ZNF239: variants seen among roughly 807,000 people sequenced by gnomAD.
ZNF239 encodes the protein zinc finger protein (C2H2) homologous to mouse MOK-2.
In ZNF239, 16 loss-of-function variants were observed where a neutral mutation model predicts 27.5. The observed-to-expected ratio is 0.58, with a 90% CI of 0.39 to 0.88. The LOEUF (loss-of-function observed/expected upper bound fraction) is 0.88, where lower values mean the gene tolerates loss of function less well. ZNF239 is among the 40% of genes least tolerant of loss of function. The pLI is 0.00. For synonymous variants in ZNF239, 199 were observed against 192.6 expected (o/e 1.03, Z -0.27); for missense variants, 527 against 551.9 (o/e 0.95, Z 0.45).
intron 3 of ZNF239, among the ~76,000 whole-genome samples, chr10:43,559,478 G>A (rs776662467): frequency 6.6e-5 from 10 of 152,152 alleles, no homozygotes; most frequent in Non-Finnish European, 1.5e-4. Context: ...GTATGGTGGT[G>A]CTATATAATC....
intron 2 of ZNF239, chr10:43,570,696 C>G: frequency 1.1e-6 from 1 of 911,448 alleles, no homozygotes; most frequent in Non-Finnish European, 1.3e-6. Flanking sequence ...TACCTCTTTT[C>G]CATTTCCACT....
intron 3 of ZNF239, among the ~76,000 whole-genome samples, chr10:43,561,152 A>C (rs1198885673): frequency 6.6e-6 from 1 of 152,210 alleles, no homozygotes; most frequent in Non-Finnish European, 1.5e-5. Flanking sequence ...GTAAAAGCCC[A>C]TCTTCAAGGA....
chr10:43,556,749 G>T lies in ZNF239; in HGVS notation c.1331C>A (p.Ser444Tyr). 6.2e-7 allele frequency: 1 copy of T among 1,614,124 alleles called. No individual in the cohort carries two copies. Among genetic ancestry groups the T allele is most frequent in the South Asian group, 1.1e-5 (1 of 91,082 alleles). ...SKCGKGFSQS[S>Y]NLHIHQRVHK... ...AACCCGCTGGTGGATGTGAAGGTTG[G>T]AGCTCTGGCTGAAGCCCTTCCCACA... The change falls in exon 4 of 4, where the codon TCC becomes TAC. Residue 444 changes from serine to tyrosine, a missense_variant. Coordinates refer to ENST00000374446, the MANE Select transcript of ZNF239 (RefSeq NM_001099282.2).
At chr10:43,568,672 C>T (rs1837841632) in intron 2 of ZNF239, among the ~76,000 whole-genome samples, 1 of 152,206 alleles carries the variant, frequency 6.6e-6, no homozygotes, top group African/African-American at 2.4e-5. Context: ...ATATTTATTT[C>T]CAGCCCTAAC....
chr10:43,557,113 C>T lies in ZNF239; in HGVS notation c.967G>A (p.Glu323Lys). The T allele has an allele frequency of 6.2e-7, 1 of 1,607,540 alleles. No homozygotes were observed. The highest frequency in any genetic ancestry group is 8.5e-7 in the Non-Finnish European group (1 of 1,177,784). The change falls in exon 4 of 4, where the codon GAG becomes AAG. Residue 323 changes from glutamate (E) to lysine (K), a missense_variant. Glu to Lys is a moderately conservative substitution (Grantham distance 56). Transcript: ENST00000374446. ...CGCTGACTGAAGCTCATACCACACT[C>T]CTCACACTCATAGGGCTTCTCTCCA... ...HTGEKPYECE[E>K]CGMSFSQRSN...
rs1256452158 is a variant in ZNF239, at chr10:43,556,564, A to T, written c.*139T>A. ...GCTTGATACTTAAATATTTTGAATG[A>T]GTGATTTTTCAGTGAGGGAACATAT... On this transcript the variant is annotated 3_prime_UTR_variant, in exon 4 of 4. Coordinates refer to ENST00000374446, the MANE Select transcript of ZNF239 (RefSeq NM_001099282.2). 1.2e-5 allele frequency: 13 copies of T among 1,106,288 alleles called. No individual in the cohort carries two copies. The highest frequency in any genetic ancestry group is 1.5e-5 in the Non-Finnish European group (12 of 797,676). 68.5% of individuals were successfully genotyped at this position (1,106,288 alleles called of 1,614,324 possible). A position where few individuals can be genotyped will look rare whatever the true frequency, so the allele number is the denominator to read the frequency against.
Position 43,556,748 on chromosome 10 carries a change from G to A in ZNF239, c.1332C>T (p.Ser444=), listed in dbSNP as rs1412440447. 1.2e-6 allele frequency: 2 copies of A among 1,613,802 alleles called. No individual in the cohort carries two copies. Among genetic ancestry groups the A allele is most frequent in the African/African-American group, 2.7e-5 (2 of 74,890 alleles). The part of the protein sequence containing the change: ...SKCGKGFSQS[S]NLHIHQRVHK... Reference sequence around the variant, plus strand: ...GAACCCGCTGGTGGATGTGAAGGTTGGAGCTCTGGCTGAAGCCCTTCCCAC... The same window carrying A: ...GAACCCGCTGGTGGATGTGAAGGTTAGAGCTCTGGCTGAAGCCCTTCCCAC... Residue 444 remains serine, a synonymous_variant, in exon 4 of 4, where the codon TCC becomes TCT. Coordinates refer to ENST00000374446, the MANE Select transcript of ZNF239 (RefSeq NM_001099282.2).
chr10:43,563,311 G>A (rs1419819212), intron 3 of ZNF239, among the ~76,000 whole-genome samples: 2 of 151,826 alleles, frequency 1.3e-5, no homozygotes, highest in East Asian at 3.9e-4. Context: ...GTGAGCCTTC[G>A]TCTAAAAGAA....
intron 3 of ZNF239, among the ~76,000 whole-genome samples, chr10:43,563,801 C>CT (rs199613577): frequency 6.7e-5 from 10 of 149,122 alleles, no homozygotes; most frequent in Admixed American, 2.7e-4. Context: ...GATAAATCTA[C>CT]TTTTTTTTTT....
intron 2 of ZNF239, chr10:43,570,403 G>A: frequency 6.1e-6 from 6 of 985,194 alleles, no homozygotes; most frequent in African/African-American, 1.7e-5. Context: ...CATATTAAAA[G>A]CAAGTGGACT....
chr10:43,566,050 C>T (rs920989872), intron 3 of ZNF239, among the ~76,000 whole-genome samples: 1 of 152,122 alleles, frequency 6.6e-6, no homozygotes, highest in South Asian at 2.1e-4. Flanking sequence ...TCAGTAGTGA[C>T]TTCCAAGTGG....
In ZNF239 at chr10:43,569,338, T is replaced by C. The variant is rs61204520; in HGVS notation, c.-215-1317A>G. On this transcript the variant is annotated intron_variant, in intron 2 of 3. Transcript: ENST00000374446. ...CTCCTGCTCCCCCAAACATGAGTTT[T>C]CCACATGACAGCCAAGGTGATCTTT... is the stretch of plus-strand genomic sequence containing the variant. 1.9e-3 allele frequency among the ~76,000 whole-genome samples: 288 copies of C among 152,288 alleles called. 2 individuals are homozygous for C. The highest frequency in any genetic ancestry group is 6.6e-3 in the African/African-American group (276 of 41,572).
In ZNF239 at chr10:43,557,892, T is replaced by C. The variant is rs199528850; in HGVS notation, c.188A>G (p.Tyr63Cys). The C allele has an allele frequency of 4.7e-5, 76 of 1,614,046 alleles. No homozygotes were observed. The highest frequency in any genetic ancestry group is 5.2e-5 in the Non-Finnish European group (61 of 1,180,028). The change falls in exon 4 of 4, where the codon TAT (tyrosine) becomes TGT (cysteine). Residue 63 changes from tyrosine (Y) to cysteine (C), a missense_variant. By Grantham distance (194) the Tyr-to-Cys change is radical. Transcript: ENST00000374446. Reference sequence around the variant, plus strand: ...TTGGCTTGAGACTTTCAAAGGCAAATATGTTTCACTTTCAATGTTTTCGAA... The same window carrying C: ...TTGGCTTGAGACTTTCAAAGGCAAACATGTTTCACTTTCAATGTTTTCGAA... ...GCFENIESET[Y>C]LPLKVSSQID...
At position 43,571,334 on chromosome 10, in the gene ZNF239, C is replaced by T. The variant is rs145737497; in HGVS notation, c.-216+2303G>A. On this transcript the variant is annotated intron_variant, in intron 2 of 3. Transcript: ENST00000374446. ...TTACCTGGAGTCATTCAACACATTA[C>T]ACTTGAGTCTAGCACAGTCCTTTCT... is the stretch of plus-strand genomic sequence containing the variant. Among the ~76,000 whole-genome samples, 724 of 150,398 alleles carry T rather than the reference C, an allele frequency of 4.8e-3. 5 individuals are homozygous for T. The highest frequency in any genetic ancestry group is 0.014 in the Middle Eastern group (4 of 294).
chr10:43,572,503 A>G (rs1838093776), intron 2 of ZNF239, among the ~76,000 whole-genome samples: 1 of 152,244 alleles, frequency 6.6e-6, no homozygotes, highest in Non-Finnish European at 1.5e-5. Flanking sequence ...TATTTTATTC[A>G]AACAACTTCT....
chr10:43,573,798 C>G, intron 1 of ZNF239, 121 bp from the exon 2 acceptor site: 1 of 216,036 alleles, frequency 4.6e-6, no homozygotes, highest in Non-Finnish European at 7.9e-6. Flanking sequence ...ACCCACACTC[C>G]CTCCATCAGG....
intron 3 of ZNF239, among the ~76,000 whole-genome samples, chr10:43,561,394 C>T (rs533475755): frequency 2.1e-4 from 32 of 152,010 alleles, no homozygotes; most frequent in Non-Finnish European, 3.5e-4. Flanking sequence ...AGCTTCCAAA[C>T]AGAAAAGCCA....
chr10:43,565,726 A>T (rs1439827030), intron 3 of ZNF239, among the ~76,000 whole-genome samples: 1 of 145,586 alleles, frequency 6.9e-6, no homozygotes, highest in Non-Finnish European at 1.5e-5. Flanking sequence ...GAGGCAGGAG[A>T]ATTGCTTGAA....
At chr10:43,569,709 T>A (rs972573546) in intron 2 of ZNF239, among the ~76,000 whole-genome samples, 4 of 152,212 alleles carry the variant, frequency 2.6e-5, no homozygotes, top group Admixed American at 1.3e-4. Flanking sequence ...ACTTATGCCT[T>A]ACCTTATTTT....
Sources: gnomAD v4.1 joint callset for allele counts (sites outside exome capture counted in the v4.1 genomes callset) on GRCh38, gnomAD v4.1.1 for gene constraint, MANE v1.5 for transcripts, NCBI Gene and HGNC (gene_info 2026-07-23, HGNC 2026-07-21) for gene names.